Variants in SETD2 observed in about 807,000 individuals in gnomAD.
The protein encoded by SETD2 is histone-lysine N-methyltransferase SETD2.
In SETD2, 31 loss-of-function variants were observed where a neutral mutation model predicts 242.1. The ratio of observed to expected loss-of-function variants is 0.13; its 90% CI spans 0.10 to 0.17. The LOEUF is 0.17. Ranked by LOEUF, SETD2 falls within the 10% of genes least tolerant of loss-of-function variation. The pLI, the probability that SETD2 is intolerant of heterozygous loss-of-function variation, is 1.00. For synonymous variants in SETD2, 1,006 were observed against 1,066.5 expected (o/e 0.94, Z 1.11); for missense variants, 2,481 against 3,046.3 (o/e 0.81, Z 4.37).
intron 18 of SETD2, among the ~76,000 whole-genome samples, chr3:47,035,175 T>C (rs77494884): frequency 0.031 from 4,646 of 152,288 alleles, 228 homozygotes; most frequent in East Asian, 0.13. Flanking sequence ...CCTTGGGACC[T>C]TGTATCACTT....
At chr3:47,137,979 CT>C (rs1248328881) in intron 1 of SETD2, among the ~76,000 whole-genome samples, 4 of 142,872 alleles carry the variant, frequency 2.8e-5, no homozygotes, top group Non-Finnish European at 1.5e-5. Flanking sequence ...TTATCACTTT[CT>C]TTTTTTTTTG....
chr3:47,093,882 AT>A (rs1380356669), intron 9 of SETD2, among the ~76,000 whole-genome samples: 1 of 152,106 alleles, frequency 6.6e-6, no homozygotes, highest in Non-Finnish European at 1.5e-5. Context: ...AGTAATTTTA[AT>A]TTGCACTCCC....
chr3:47,051,730 GA>G (rs201938986), intron 15 of SETD2, among the ~76,000 whole-genome samples: 81 of 142,780 alleles, frequency 5.7e-4, no homozygotes, highest in South Asian at 1.5e-3. Context: ...TTCTAGTTTT[GA>G]AAAAAAAAAA....
chr3:47,061,748 A>G (rs2040340656), intron 14 of SETD2, among the ~76,000 whole-genome samples: 1 of 152,234 alleles, frequency 6.6e-6, no homozygotes, highest in African/African-American at 2.4e-5. Flanking sequence ...CTACCAGCAT[A>G]ACAAGAGAGC....
In SETD2 at chr3:47,056,555, A is replaced by G. The variant is rs575213698; in HGVS notation, c.6963+266T>C. Among the ~76,000 whole-genome samples the G allele has an allele frequency of 1.1e-4, 16 of 152,352 alleles. No individual in the cohort carries two copies. In the South Asian group the frequency reaches 3.3e-3, roughly 32 times the overall value. On this transcript the variant is annotated intron_variant, in intron 15 of 20. Transcript: ENST00000409792. Reference sequence around the variant, plus strand: ...AATCTCTATATCTAGTTCAGCCTTCAGATGACTGCAGCCATGGCCAACAGC... The same window carrying G: ...AATCTCTATATCTAGTTCAGCCTTCGGATGACTGCAGCCATGGCCAACAGC...
intron 1 of SETD2, among the ~76,000 whole-genome samples, chr3:47,132,094 T>C (rs2043491039): frequency 6.6e-6 from 1 of 151,668 alleles, no homozygotes; most frequent in Admixed American, 6.6e-5. Context: ...ATATTCTTAT[T>C]CGAAAACTTT....
intron 1 of SETD2, among the ~76,000 whole-genome samples, chr3:47,150,398 A>G (rs2043957826): frequency 6.6e-6 from 1 of 152,030 alleles, no homozygotes; most frequent in Non-Finnish European, 1.5e-5. Flanking sequence ...TTTGCCCGTA[A>G]TATTTTGCCC....
chr3:47,061,538 T>C (rs948875279), intron 14 of SETD2, among the ~76,000 whole-genome samples: 4 of 152,208 alleles, frequency 2.6e-5, no homozygotes, highest in Non-Finnish European at 4.4e-5. Flanking sequence ...CATGACACGA[T>C]GTTCAATCTA....
intron 1 of SETD2, among the ~76,000 whole-genome samples, chr3:47,155,483 G>C (rs1488835579): frequency 2.0e-5 from 3 of 152,150 alleles, no homozygotes; most frequent in Non-Finnish European, 4.4e-5. Flanking sequence ...TGCTATTCTT[G>C]CAACTTTCCT....
intron 12 of SETD2, among the ~76,000 whole-genome samples, chr3:47,077,870 C>T (rs762926203): frequency 1.4e-4 from 22 of 151,896 alleles, no homozygotes; most frequent in Admixed American, 9.8e-4. Flanking sequence ...CTTCTACTGG[C>T]CAAATATGGG....
At chr3:47,119,254 GC>G (rs2042978618) in intron 3 of SETD2, among the ~76,000 whole-genome samples, 1 of 152,052 alleles carries the variant, frequency 6.6e-6, no homozygotes, top group African/African-American at 2.4e-5. Context: ...AGACTGAGAA[GC>G]CCTGCTCTAG....
At chr3:47,068,592 G>A (rs889249706) in intron 12 of SETD2, among the ~76,000 whole-genome samples, 13 of 150,004 alleles carry the variant, frequency 8.7e-5, no homozygotes, top group Non-Finnish European at 1.6e-4. Context: ...TGCCTCCTGG[G>A]TTCAAGCAAT....
chr3:47,118,980 G>T lies in SETD2; in HGVS notation c.4454+1202C>A, dbSNP rs1301910310. On this transcript the variant is annotated intron_variant, in intron 3 of 20. Transcript: ENST00000409792. Reference sequence around the variant, plus strand: ...GCTGTAAAAGGCTCTCTGTTAAAAGGTTATTTTGTAATAGAAAAAAATTTC... The same window carrying T: ...GCTGTAAAAGGCTCTCTGTTAAAAGTTTATTTTGTAATAGAAAAAAATTTC... Among the ~76,000 whole-genome samples, 10 of 152,056 alleles carry T rather than the reference G, an allele frequency of 6.6e-5. No homozygotes were observed. In the South Asian group the frequency reaches 2.1e-3, roughly 32 times the overall value.
intron 17 of SETD2, among the ~76,000 whole-genome samples, chr3:47,041,681 C>T (rs1052638837): frequency 6.6e-6 from 1 of 151,830 alleles, no homozygotes; most frequent in African/African-American, 2.4e-5. Context: ...AGTACATATA[C>T]CCACATAAAG....
At chr3:47,050,723 CTTTTTTTTTTTT>C (rs775259096) in intron 15 of SETD2, among the ~76,000 whole-genome samples, 9 of 66,880 alleles carry the variant, frequency 1.3e-4, no homozygotes, top group Middle Eastern at 0.036. Context: ...TTTCCTCTCT[CTTTTTTTTTTTT>C]TTTTTTTTTT....
rs2107577845 is a variant in SETD2 at position 47,057,423 on chromosome 3, G to A, written c.6361C>T (p.Arg2121Cys). 6.2e-7 allele frequency: 1 copy of A among 1,614,172 alleles called. No homozygotes were observed. The change falls in exon 15 of 21, where the codon CGC (arginine) becomes TGC (cysteine). Residue 2121 changes from arginine to cysteine, a missense_variant. Physicochemically the swap from Arg to Cys is radical, Grantham distance 180. Around this residue, in one of 17 missense-constraint regions of SETD2, gnomAD observed 1 missense variants for 16.8 expected, o/e 0.06. Transcript: ENST00000409792. ...KDRNKLSTEE[R>C]RKLFEQEVAQ... Reference sequence around the variant, plus strand: ...ACCTCTTGCTCAAACAACTTCCGGCGTTCCTCTGTAGAAAGTTTATTGCGG... The same window carrying A: ...ACCTCTTGCTCAAACAACTTCCGGCATTCCTCTGTAGAAAGTTTATTGCGG...
At chr3:47,022,224 C>CACAG (rs2038260626) in intron 18 of SETD2, among the ~76,000 whole-genome samples, 1 of 147,692 alleles carries the variant, frequency 6.8e-6, no homozygotes, top group Non-Finnish European at 1.5e-5. Flanking sequence ...CACACACACA[C>CACAG]ACACACACAA....
chr3:47,097,610 G>GT (rs1484980121), intron 9 of SETD2, among the ~76,000 whole-genome samples: 1 of 152,216 alleles, frequency 6.6e-6, no homozygotes, highest in Non-Finnish European at 1.5e-5. Flanking sequence ...AAAGTTTAGA[G>GT]TACCAAACAA....
chr3:47,052,465 G>A (rs1044782687), intron 15 of SETD2, among the ~76,000 whole-genome samples: 1 of 152,036 alleles, frequency 6.6e-6, no homozygotes, highest in Non-Finnish European at 1.5e-5. Flanking sequence ...GAGCCACCAC[G>A]CCCGGCTGAA....
Sources: allele counts gnomAD v4.1 joint callset (sites outside exome capture counted in the v4.1 genomes callset), GRCh38; gene constraint gnomAD v4.1.1; regional missense constraint gnomAD v4.1.1; transcripts MANE v1.5; gene names NCBI Gene and HGNC (gene_info 2026-07-23, HGNC 2026-07-21).